TRAPPC6B: variants seen among roughly 807,000 people sequenced by gnomAD.
TRAPPC6B encodes TRAPP complex subunit 6B.
A neutral mutation model predicts 24.7 loss-of-function variants in TRAPPC6B; 27 were observed. That is an observed-to-expected ratio of 1.09 (90% CI 0.81 to 1.51). TRAPPC6B has a LOEUF of 1.51. Among genes scored for constraint, TRAPPC6B ranks in the 40% most tolerant of loss-of-function variants. The probability of loss-of-function intolerance (pLI) is 0.00; values close to 1 mark genes in which losing one functional copy is unlikely to be tolerated. For missense variants in TRAPPC6B, 212 were observed against 190.8 expected (o/e 1.11, Z -0.66); for synonymous variants, 80 against 66.6 (o/e 1.20, Z -0.98).
At chr14:39,151,250 C>T (rs572637353) in intron 5 of TRAPPC6B, among the ~76,000 whole-genome samples, 3 of 151,834 alleles carry the variant, frequency 2.0e-5, no homozygotes, top group African/African-American at 2.4e-5. Flanking sequence ...ATTAGCTGGG[C>T]GTGGTGGCAG....
chr14:39,150,118 C>T lies in TRAPPC6B; in HGVS notation c.*232G>A. On this transcript the variant is annotated 3_prime_UTR_variant, in exon 6 of 6. Coordinates refer to ENST00000330149, the MANE Select transcript of TRAPPC6B (RefSeq NM_001079537.2). ...AAAAAGGTTTAAAATAAGGGCCCTG[C>T]ATCTTGGTGTCTGGTTATTTGAAAT... 1 of 428,898 alleles carries T rather than the reference C, an allele frequency of 2.3e-6. No homozygotes were observed. Among genetic ancestry groups the T allele is most frequent in the Non-Finnish European group, 4.1e-6 (1 of 245,284 alleles). The allele number at this position is 428,898 out of a possible 1,614,324, so 26.6% of individuals were successfully genotyped here. A position where few individuals can be genotyped will look rare whatever the true frequency, so the allele number is the denominator to read the frequency against.
chr14:39,154,152 G>T, intron 4 of TRAPPC6B, 59 bp downstream of exon 4: 2 of 1,049,020 alleles, frequency 1.9e-6, no homozygotes, highest in Non-Finnish European at 3.0e-6. Flanking sequence ...GATTAGCACT[G>T]TACTTTTCCC....
chr14:39,157,408 C>T (rs1399598583), intron 3 of TRAPPC6B: 2 of 329,566 alleles, frequency 6.1e-6, no homozygotes, highest in Admixed American at 8.0e-5. Flanking sequence ...GCTATTGGCC[C>T]GGGCTGAAAA....
chr14:39,163,398 C>G (rs1466316798), intron 1 of TRAPPC6B, among the ~76,000 whole-genome samples: 9 of 148,704 alleles, frequency 6.1e-5, no homozygotes, highest in African/African-American at 2.3e-4. Flanking sequence ...AAAAGACCAG[C>G]AACATCAGCA....
Position 39,148,804 on chromosome 14 carries a change from TAGG to T in TRAPPC6B, c.*1543_*1545del, listed in dbSNP as rs1343640190. 7 of 398,190 alleles carry T rather than the reference TAGG, an allele frequency of 1.8e-5. No homozygotes were observed. Among genetic ancestry groups the T allele is most frequent in the Non-Finnish European group, 3.1e-5 (7 of 225,928 alleles). The allele number at this position is 398,190 out of a possible 1,614,324, so 24.7% of individuals were successfully genotyped here. A position where few individuals can be genotyped will look rare whatever the true frequency, so the allele number is the denominator to read the frequency against. On this transcript the variant is annotated 3_prime_UTR_variant, in exon 6 of 6. Coordinates refer to ENST00000330149, the MANE Select transcript of TRAPPC6B (RefSeq NM_001079537.2). The stretch of plus-strand genomic sequence containing the variant: ...TACATTCTGAGAAATGCATCATCAT[TAGG>T]AGATTTTAAAATTGTACAATCACAG...
chr14:39,157,695 T>C (rs1199847381), intron 3 of TRAPPC6B: 2 of 232,150 alleles, frequency 8.6e-6, no homozygotes, highest in East Asian at 1.2e-4. Flanking sequence ...CAGAGGACAA[T>C]GGAGCTTAGG....
Position 39,158,267 on chromosome 14 carries a change from CTTAA to C in TRAPPC6B, c.267+14_267+17del, listed in dbSNP as rs1218892857. The C allele has an allele frequency of 4.4e-6, 6 of 1,357,400 alleles. No individual in the cohort carries two copies. The highest frequency in any genetic ancestry group is 2.1e-4 in the Middle Eastern group (1 of 4,860). The allele number at this position is 1,357,400 out of a possible 1,614,324, so 84.1% of individuals were successfully genotyped here. A position where few individuals can be genotyped will look rare whatever the true frequency, so the allele number is the denominator to read the frequency against. On this transcript the variant is annotated intron_variant, in intron 3 of 5. Transcript: ENST00000330149. Reference sequence around the variant, plus strand: ...AGTTAAAGGACTTTAAAATATAGGCCTTAATTAATTTAATTACCTGATGATTTGT... The same window carrying C: ...AGTTAAAGGACTTTAAAATATAGGCCTTAATTTAATTACCTGATGATTTGT...
chr14:39,166,230 C>G (rs1364425590), intron 1 of TRAPPC6B, among the ~76,000 whole-genome samples: 1 of 150,184 alleles, frequency 6.7e-6, no homozygotes, highest in African/African-American at 2.5e-5. Context: ...TGTGAGCCAC[C>G]ACACTAACCC....
chr14:39,156,118 T>G (rs750917881), intron 3 of TRAPPC6B, among the ~76,000 whole-genome samples: 17 of 152,144 alleles, frequency 1.1e-4, no homozygotes, highest in Non-Finnish European at 2.2e-4. Flanking sequence ...GTAAATCATG[T>G]CTAGAGAGTA....
intron 1 of TRAPPC6B, among the ~76,000 whole-genome samples, chr14:39,162,894 G>A (rs911028186): frequency 4.2e-5 from 6 of 143,344 alleles, no homozygotes; most frequent in East Asian, 3.9e-4. Flanking sequence ...ACTCTGCCCC[G>A]TCCCTTAAAC....
At chr14:39,158,604 A>G in intron 2 of TRAPPC6B, 1 of 450,718 alleles carries the variant, frequency 2.2e-6, no homozygotes, top group Non-Finnish European at 3.9e-6. Flanking sequence ...TGCAACGTCT[A>G]CCTCCCTCCC....
chr14:39,153,743 C>T lies in TRAPPC6B; in HGVS notation c.351+468G>A, dbSNP rs569370849. 4.0e-5 allele frequency among the ~76,000 whole-genome samples: 6 copies of T among 150,182 alleles called. No homozygotes were observed. The East Asian group carries it at 9.7e-4, about 24-fold the overall frequency. Reference sequence around the variant, plus strand: ...TGAGATGGAGTTTTGCTCTTATACCCCAGGCTGGAGTGCAATGATAGCACG... The same window carrying T: ...TGAGATGGAGTTTTGCTCTTATACCTCAGGCTGGAGTGCAATGATAGCACG... On this transcript the variant is annotated intron_variant, in intron 4 of 5. Coordinates refer to ENST00000330149, the MANE Select transcript of TRAPPC6B (RefSeq NM_001079537.2).
chr14:39,155,862 G>A, intron 3 of TRAPPC6B, among the ~76,000 whole-genome samples: 1 of 152,124 alleles, frequency 6.6e-6, no homozygotes, highest in South Asian at 2.1e-4. Context: ...ACAGAATTTT[G>A]CTGTTATCCA....
Position 39,148,709 on chromosome 14 carries a change from A to T in TRAPPC6B, c.*1641T>A. ...GGTAGGAACTTTCCTAAATTTTTTC[A>T]AAATTAAAATTTTTTCCCCAAAACA... On this transcript the variant is annotated 3_prime_UTR_variant, in exon 6 of 6. Transcript: ENST00000330149. 2.5e-6 allele frequency: 1 copy of T among 398,478 alleles called. No homozygotes were observed. 24.7% of individuals were successfully genotyped at this position (398,478 alleles called of 1,614,324 possible). A position where few individuals can be genotyped will look rare whatever the true frequency, so the allele number is the denominator to read the frequency against.
intron 1 of TRAPPC6B, among the ~76,000 whole-genome samples, chr14:39,163,602 A>G (rs1352954879): frequency 6.6e-6 from 1 of 150,814 alleles, no homozygotes; most frequent in Non-Finnish European, 1.5e-5. Flanking sequence ...ACTATTTTAT[A>G]TTGCCCATGT....
chr14:39,159,652 T>A, intron 1 of TRAPPC6B, 102 bp from the exon 2 acceptor site: 1 of 742,262 alleles, frequency 1.3e-6, no homozygotes, highest in Non-Finnish European at 2.0e-6. Flanking sequence ...TGTAAACATT[T>A]ATACTTTTTT....
rs557752497 is a variant in TRAPPC6B, at chr14:39,158,780, C to T, written c.150-378G>A. 171 of 163,816 alleles carry T rather than the reference C, an allele frequency of 1.0e-3. 1 individual carries two copies. The highest frequency in any genetic ancestry group is 3.9e-3 in the African/African-American group (164 of 41,716). 10.1% of individuals were successfully genotyped at this position (163,816 alleles called of 1,614,324 possible). ...AAGAGATTCTCCCACCTTGGCCTCACAAAGTGCTGGGATTACAGGCATGAG... is the reference window on the plus strand; with the variant it reads ...AAGAGATTCTCCCACCTTGGCCTCATAAAGTGCTGGGATTACAGGCATGAG... On this transcript the variant is annotated intron_variant, in intron 2 of 5. Transcript: ENST00000330149.
chr14:39,149,679 C>A lies in TRAPPC6B; in HGVS notation c.*671G>T, dbSNP rs192060446. 2 of 152,298 alleles carry A rather than the reference C, an allele frequency of 1.3e-5. No homozygotes were observed. The highest frequency in any genetic ancestry group is 4.8e-5 in the African/African-American group (2 of 41,580). 9.4% of individuals were successfully genotyped at this position (152,298 alleles called of 1,614,324 possible). A position where few individuals can be genotyped will look rare whatever the true frequency, so the allele number is the denominator to read the frequency against. Reference sequence around the variant, plus strand: ...TGTAACAGGAATAAATACAAAAATTCTTTCCAAACATACCTAATATTCTTT... The same window carrying A: ...TGTAACAGGAATAAATACAAAAATTATTTCCAAACATACCTAATATTCTTT... On this transcript the variant is annotated 3_prime_UTR_variant, in exon 6 of 6. Coordinates refer to ENST00000330149, the MANE Select transcript of TRAPPC6B (RefSeq NM_001079537.2).
intron 1 of TRAPPC6B, among the ~76,000 whole-genome samples, chr14:39,164,081 T>TGGACTG (rs2053084193): frequency 7.0e-6 from 1 of 143,564 alleles, no homozygotes; most frequent in African/African-American, 3.0e-5. Context: ...AGCCTTATCA[T>TGGACTG]TTCTCTCCTG....
Sources: allele counts gnomAD v4.1 joint callset (sites outside exome capture counted in the v4.1 genomes callset), GRCh38; gene constraint gnomAD v4.1.1; transcripts MANE v1.5; gene names NCBI Gene and HGNC (gene_info 2026-07-23, HGNC 2026-07-21).